CCDC33: variants seen among roughly 807,000 people sequenced by gnomAD.
CCDC33 encodes coiled-coil domain containing 33, also known as coiled-coil domain-containing protein 33.
CCDC33 carries 94 observed loss-of-function variants against 91.9 expected under a neutral mutation model. That is an observed-to-expected ratio of 1.02 (90% CI 0.87 to 1.21). The LOEUF is 1.21. CCDC33 is among the 50% of genes most tolerant of loss of function. CCDC33 has a pLI of 0.00. For missense variants in CCDC33, 940 were observed against 935.5 expected (o/e 1.00, Z -0.06); for synonymous variants, 396 against 374.5 (o/e 1.06, Z -0.66).
At chr15:74,209,573 C>T (rs748687572) in intron 2 of CCDC33, 59 of 764,374 alleles carry the variant, frequency 7.7e-5, no homozygotes, top group Non-Finnish European at 1.1e-4. Flanking sequence ...AAGGCCCCCT[C>T]GGAGCTTTCT....
At chr15:74,317,867 G>C (rs1431485619) in intron 11 of CCDC33, among the ~76,000 whole-genome samples, 2 of 148,844 alleles carry the variant, frequency 1.3e-5, no homozygotes, top group Admixed American at 1.4e-4. Flanking sequence ...TCTAGGTGGC[G>C]GGCTGGCTTG....
intron 16 of CCDC33, 30 bp downstream of exon 16, chr15:74,332,875 T>C (rs2060470764): frequency 1.9e-6 from 3 of 1,604,602 alleles, no homozygotes; most frequent in Non-Finnish European, 2.6e-6. Flanking sequence ...GGCCTGCCTA[T>C]GCCGGTCACT....
chr15:74,266,280 G>T (rs2076163757), intron 3 of CCDC33, among the ~76,000 whole-genome samples: 1 of 152,180 alleles, frequency 6.6e-6, no homozygotes, highest in Non-Finnish European at 1.5e-5. Context: ...ATAAGTGTTT[G>T]TGACCAAGGG....
Position 74,259,720 on chromosome 15 carries a change from TG to T in CCDC33, c.186-2719del, listed in dbSNP as rs1390863991. Among the ~76,000 whole-genome samples the T allele has an allele frequency of 7.9e-5, 12 of 152,324 alleles. No homozygotes were observed. The East Asian group carries it at 2.3e-3, about 29-fold the overall frequency. On this transcript the variant is annotated intron_variant, in intron 2 of 18. Transcript: ENST00000398814. ...CCTCTTTGCACCTGGGAATTCCTCC[TG>T]CCACCCTCCCAGGAGGGTTGGGAGG...
downstream of CCDC33, chr15:74,336,395 C>T (rs1395074291): frequency 1.5e-6 from 2 of 1,321,214 alleles, no homozygotes; most frequent in Admixed American, 2.3e-5. Context: ...GAGACCAGCT[C>T]TGTTGGGAAA....
rs147967375 is a variant in CCDC33 at position 74,313,104 on chromosome 15, G to C, written c.1291-17085G>C. On this transcript the variant is annotated intron_variant, in intron 11 of 18. Transcript: ENST00000398814. ...CTTTGAGTCACAGGGGTGGGAAGGG[G>C]CTAAGAAGCCACTTGGAAGTCTCTG... Among the ~76,000 whole-genome samples, 7 of 152,338 alleles carry C rather than the reference G, an allele frequency of 4.6e-5. No homozygotes were observed. In the East Asian group the frequency reaches 1.3e-3, roughly 29 times the overall value.
chr15:74,247,938 G>A (rs983886698), intron 2 of CCDC33, among the ~76,000 whole-genome samples: 6 of 152,256 alleles, frequency 3.9e-5, no homozygotes, highest in African/African-American at 7.2e-5. Context: ...CTAGCTTGGC[G>A]TGGTGGTGGG....
rs115724118 is a variant in CCDC33, at chr15:74,220,173, G to A, written c.675+1312G>A. On this transcript the variant is annotated intron_variant, in intron 2 of 2. Coordinates refer to the CCDC33 transcript ENST00000635913. ...GAGCTGTGGTTTAGGCCAAGTGATA[G>A]GGCAGCATGTACCAGGATAACTACG... Among the ~76,000 whole-genome samples the A allele has an allele frequency of 5.8e-3, 884 of 152,274 alleles. 10 individuals are homozygous for A. The highest frequency in any genetic ancestry group is 0.02 in the African/African-American group (836 of 41,538).
chr15:74,241,672 C>T (rs896782453), intron 1 of CCDC33, among the ~76,000 whole-genome samples: 4 of 152,064 alleles, frequency 2.6e-5, no homozygotes, highest in African/African-American at 4.8e-5. Context: ...ATGGGGTGGA[C>T]GGAGAGTCGG....
chr15:74,326,679 C>CT lies in CCDC33; in HGVS notation c.1291-3509dup, dbSNP rs144165892. Among the ~76,000 whole-genome samples, 1,075 of 152,344 alleles carry CT rather than the reference C, an allele frequency of 7.1e-3. 13 individuals are homozygous for CT. The highest frequency in any genetic ancestry group is 0.025 in the African/African-American group (1,035 of 41,578). On this transcript the variant is annotated intron_variant, in intron 11 of 18. Transcript: ENST00000398814. ...ATGGGTGAGGAGAATGCAGTGGGCACTAGCCTTAGGCACAATGGCTTTGGA... is the reference window on the plus strand; with the variant it reads ...ATGGGTGAGGAGAATGCAGTGGGCACTTAGCCTTAGGCACAATGGCTTTGGA...
intron 1 of CCDC33, chr15:74,207,560 G>A: frequency 1.2e-6 from 1 of 814,770 alleles, no homozygotes; most frequent in Non-Finnish European, 2.0e-6. Context: ...TCCCATCTCA[G>A]CCCTTGACTC....
At chr15:74,210,447 C>A (rs1018452659) in intron 2 of CCDC33, among the ~76,000 whole-genome samples, 1 of 152,140 alleles carries the variant, frequency 6.6e-6, no homozygotes, top group Non-Finnish European at 1.5e-5. Context: ...ATACATAAAT[C>A]GTGATCTCAT....
At chr15:74,270,536 A>G (rs528464703) in intron 5 of CCDC33, among the ~76,000 whole-genome samples, 1 of 152,184 alleles carries the variant, frequency 6.6e-6, no homozygotes, top group East Asian at 1.9e-4. Context: ...ATTGCCTGGG[A>G]AAGAGGATGG....
intron 2 of CCDC33, among the ~76,000 whole-genome samples, chr15:74,248,143 C>G (rs889641045): frequency 6.6e-6 from 1 of 151,998 alleles, no homozygotes; most frequent in Non-Finnish European, 1.5e-5. Context: ...GTTTTCACCA[C>G]ATACACGAAA....
intron 2 of CCDC33, among the ~76,000 whole-genome samples, chr15:74,223,984 A>G (rs1308207078): frequency 2.6e-5 from 4 of 152,166 alleles, no homozygotes; most frequent in Admixed American, 6.5e-5. Context: ...CAGCTTAAAC[A>G]CACTCTGCCC....
chr15:74,257,321 G>T (rs924032125), intron 2 of CCDC33, among the ~76,000 whole-genome samples: 3 of 152,248 alleles, frequency 2.0e-5, no homozygotes, highest in Admixed American at 6.5e-5. Context: ...GGGGCTGGGG[G>T]AGGCGGCAGC....
chr15:74,266,864 C>A (rs1039559587), intron 4 of CCDC33, 77 bp downstream of exon 4: 3 of 1,064,352 alleles, frequency 2.8e-6, no homozygotes, highest in Non-Finnish European at 4.4e-6. Flanking sequence ...TCCCTCGGAG[C>A]AGCCCTGAGC....
Position 74,262,436 on chromosome 15 carries a change from C to T in CCDC33, c.186-4C>T. On this transcript the variant is annotated splice_region_variant and splice_polypyrimidine_tract_variant and intron_variant, in intron 2 of 18. Transcript: ENST00000398814. ...TTGACTCACCCTGCCCCTGCTCTCC[C>T]CAGGAAAAGCACATCTGAGGAAAAG... The T allele has an allele frequency of 1.2e-6, 2 of 1,613,890 alleles. No homozygotes were observed. Among genetic ancestry groups the T allele is most frequent in the South Asian group, 1.1e-5 (1 of 91,014 alleles).
intron 11 of CCDC33, among the ~76,000 whole-genome samples, chr15:74,317,894 T>TG (rs997384253): frequency 6.6e-4 from 20 of 30,450 alleles, no homozygotes; most frequent in African/African-American, 1.3e-3. Context: ...TTTGTTTTTT[T>TG]TTTTTTTTTT....
Sources: allele counts gnomAD v4.1 joint callset (sites outside exome capture counted in the v4.1 genomes callset), GRCh38; gene constraint gnomAD v4.1.1; transcripts MANE v1.5; gene names NCBI Gene and HGNC (gene_info 2026-07-23, HGNC 2026-07-21).